Variants in ZSCAN22 observed in about 807,000 individuals in gnomAD.
ZSCAN22 encodes zinc finger and SCAN domain containing 22.
ZSCAN22 carries 7 observed loss-of-function variants against 12.4 expected under a neutral mutation model. The ratio of observed to expected loss-of-function variants is 0.57; its 90% CI spans 0.32 to 1.06. The LOEUF is 1.06. ZSCAN22 is among the 50% of genes least tolerant of loss of function. The pLI is 0.04. For missense variants in ZSCAN22, 576 were observed against 631.7 expected, an observed-to-expected ratio of 0.91 and a Z score of 0.94; for synonymous variants, 243 against 255.9, an observed-to-expected ratio of 0.95 and a Z score of 0.48.
At chr19:58,332,123 G>C (rs922739806) in intron 1 of ZSCAN22, among the ~76,000 whole-genome samples, 6 of 151,420 alleles carry the variant, frequency 4.0e-5, no homozygotes, top group Admixed American at 3.3e-4. Flanking sequence ...TACTCGCCTC[G>C]GTCTCCCAGA....
At position 58,338,228 on chromosome 19, in the gene ZSCAN22, T is replaced by G. The variant is rs1600493319; in HGVS notation, c.404-26T>G. ...GGGAGGCTTGGTGTGGTAGGAGGAG[T>G]GACAGTGTGGTTCGGACTGTTTCAG... is the stretch of plus-strand genomic sequence containing the variant. On this transcript the variant is annotated intron_variant, in intron 2 of 2. Coordinates refer to ENST00000329665, the MANE Select transcript of ZSCAN22 (RefSeq NM_181846.3). This position sits in a 1 kb window ranked among gnomAD's most constrained non-coding sequence, Gnocchi z 5.4. 1.3e-6 allele frequency: 2 copies of G among 1,555,514 alleles called. No individual in the cohort carries two copies. Among genetic ancestry groups the G allele is most frequent in the Non-Finnish European group, 1.7e-6 (2 of 1,144,182 alleles).
chr19:58,339,280 C>T lies in ZSCAN22; in HGVS notation c.1430C>T (p.Ser477Leu). ...SDCGKAFSRS[S>L]ALMVHLRIHI... ...TGTGGGAAGGCCTTCAGTCGTAGCT[C>T]AGCCCTGATGGTTCACTTGCGGATC... Residue 477 changes from serine (S) to leucine (L), a missense_variant, in exon 3 of 3, where the codon TCA becomes TTA. Physicochemically the swap from Ser to Leu is moderately radical, Grantham distance 145. Coordinates refer to ENST00000329665, the MANE Select transcript of ZSCAN22 (RefSeq NM_181846.3). The surrounding 1 kb of genome is among the most constrained non-coding windows in gnomAD (Gnocchi z 5.6). The T allele has an allele frequency of 6.2e-7, 1 of 1,613,836 alleles. No individual in the cohort carries two copies. The highest frequency in any genetic ancestry group is 1.1e-5 in the South Asian group (1 of 91,056).
rs1366379301 is a variant in ZSCAN22, at chr19:58,341,561, T to C, written c.*2235T>C. 1 of 152,166 alleles carries C rather than the reference T, an allele frequency of 6.6e-6. No homozygotes were observed. Among genetic ancestry groups the C allele is most frequent in the East Asian group, 1.9e-4 (1 of 5,202 alleles). The allele number at this position is 152,166 out of a possible 1,614,324, so 9.4% of individuals were successfully genotyped here. A position where few individuals can be genotyped will look rare whatever the true frequency, so the allele number is the denominator to read the frequency against. Reference sequence around the variant, plus strand: ...CAAGAGTAAATAGAGGCACAGAGACTGATGAGAAACGTTCATAACATGAAG... The same window carrying C: ...CAAGAGTAAATAGAGGCACAGAGACCGATGAGAAACGTTCATAACATGAAG... On this transcript the variant is annotated 3_prime_UTR_variant, in exon 3 of 3. Transcript: ENST00000329665.
At position 58,339,538 on chromosome 19, in the gene ZSCAN22, G is replaced by A; in HGVS notation, c.*212G>A. 1 of 553,984 alleles carries A rather than the reference G, an allele frequency of 1.8e-6. No homozygotes were observed. Among genetic ancestry groups the A allele is most frequent in the Admixed American group, 3.2e-5 (1 of 31,396 alleles). The allele number at this position is 553,984 out of a possible 1,614,324, so 34.3% of individuals were successfully genotyped here. On this transcript the variant is annotated 3_prime_UTR_variant, in exon 3 of 3. Transcript: ENST00000329665. This position sits in a 1 kb window ranked among gnomAD's most constrained non-coding sequence, Gnocchi z 5.6. ...AAGGTGATTCAGGCCAGCTGGAGAA[G>A]CTTCCAGAAGGGCCCTGCACTGCTA...
Position 58,339,565 on chromosome 19 carries a change from C to T in ZSCAN22, c.*239C>T. Reference sequence around the variant, plus strand: ...TTCCAGAAGGGCCCTGCACTGCTACCCTCTATTTCCCACTCAGGGCTGTCC... The same window carrying T: ...TTCCAGAAGGGCCCTGCACTGCTACTCTCTATTTCCCACTCAGGGCTGTCC... On this transcript the variant is annotated 3_prime_UTR_variant, in exon 3 of 3. Coordinates refer to ENST00000329665, the MANE Select transcript of ZSCAN22 (RefSeq NM_181846.3). This position sits in a 1 kb window ranked among gnomAD's most constrained non-coding sequence, Gnocchi z 5.6. 1 of 489,768 alleles carries T rather than the reference C, an allele frequency of 2.0e-6. No individual in the cohort carries two copies. Among genetic ancestry groups the T allele is most frequent in the East Asian group, 3.2e-5 (1 of 31,350 alleles). The allele number at this position is 489,768 out of a possible 1,614,324, so 30.3% of individuals were successfully genotyped here.
intron 1 of ZSCAN22, among the ~76,000 whole-genome samples, chr19:58,333,779 G>A (rs1416844172): frequency 1.3e-5 from 2 of 152,244 alleles, no homozygotes; most frequent in Non-Finnish European, 2.9e-5. Context: ...GGGAGGCGGA[G>A]TTGCAGTGAG....
chr19:58,329,580 A>G lies in ZSCAN22; in HGVS notation c.-52+2466A>G, dbSNP rs1381290872. 6.6e-6 allele frequency among the ~76,000 whole-genome samples: 1 copy of G among 152,230 alleles called. No homozygotes were observed. The highest frequency in any genetic ancestry group is 1.5e-5 in the Non-Finnish European group (1 of 68,048). On this transcript the variant is annotated intron_variant, in intron 1 of 2. Transcript: ENST00000329665. The surrounding 1 kb of genome is among the most constrained non-coding windows in gnomAD (Gnocchi z 4.1). ...GTGGGAAGTAGAGAATGTCAAGAAA[A>G]GTAATACAGTAGTCACCCCTCATCT...
chr19:58,334,869 G>A lies in ZSCAN22; in HGVS notation c.67G>A (p.Val23Met), dbSNP rs2051773378. 1 of 1,613,880 alleles carries A rather than the reference G, an allele frequency of 6.2e-7. No homozygotes were observed. The highest frequency in any genetic ancestry group is 1.3e-5 in the African/African-American group (1 of 75,058). The stretch of plus-strand genomic sequence containing the variant: ...AGAGGACAGCTTCCTTCAAGTGAAG[G>A]TGGAGGAGGAAGAGGAAGCCAGCCT... ...WEEDSFLQVK[V>M]EEEEEASLSQ... The change falls in exon 2 of 3, where the codon GTG becomes ATG. Residue 23 changes from valine to methionine, a missense_variant. Val to Met is a conservative substitution (Grantham distance 21). Transcript: ENST00000329665.
chr19:58,334,149 C>T (rs1395483696), intron 1 of ZSCAN22, among the ~76,000 whole-genome samples: 1 of 152,198 alleles, frequency 6.6e-6, no homozygotes, highest in East Asian at 1.9e-4. Context: ...GGGAGGAGCA[C>T]GCCTTAAACA....
chr19:58,333,558 A>G (rs1005259144), intron 1 of ZSCAN22, among the ~76,000 whole-genome samples: 1 of 152,200 alleles, frequency 6.6e-6, no homozygotes, highest in East Asian at 1.9e-4. Flanking sequence ...TAAATAACCA[A>G]TGGGACTGGG....
At position 58,338,359 on chromosome 19, in the gene ZSCAN22, T is replaced by C. The variant is rs1208766988; in HGVS notation, c.509T>C (p.Leu170Pro). Residue 170 changes from leucine (L) to proline (P), a missense_variant, in exon 3 of 3, where the codon CTT (leucine) becomes CCT (proline). Coordinates refer to ENST00000329665, the MANE Select transcript of ZSCAN22 (RefSeq NM_181846.3). The surrounding 1 kb of genome is among the most constrained non-coding windows in gnomAD (Gnocchi z 5.4). ...GAGACCCTCATGGGAGGTGTTTCCC[T>C]TGGACCCGCCTTTGTCAAGGCATGT... ...VTETLMGGVS[L>P]GPAFVKACEP... 6.2e-7 allele frequency: 1 copy of C among 1,614,128 alleles called. No individual in the cohort carries two copies. The highest frequency in any genetic ancestry group is 1.7e-5 in the Admixed American group (1 of 60,022).
At position 58,334,800 on chromosome 19, in the gene ZSCAN22, C is replaced by T. The variant is rs764649531; in HGVS notation, c.-3C>T. The stretch of plus-strand genomic sequence containing the variant: ...CCTGTGTCTCACTGAGCACTGCTGC[C>T]CGATGGCCATCCCCAAGCACTCCCT... On this transcript the variant is annotated 5_prime_UTR_variant, in exon 2 of 3. Coordinates refer to ENST00000329665, the MANE Select transcript of ZSCAN22 (RefSeq NM_181846.3). 3 of 1,593,906 alleles carry T rather than the reference C, an allele frequency of 1.9e-6. No homozygotes were observed. The South Asian group carries it at 3.4e-5, about 18-fold the overall frequency.
At chr19:58,328,176 T>C (rs754056821) in intron 1 of ZSCAN22, among the ~76,000 whole-genome samples, 6 of 152,188 alleles carry the variant, frequency 3.9e-5, no homozygotes, top group Admixed American at 6.5e-5. Flanking sequence ...TGACTGATTA[T>C]AGGTGACATT....
chr19:58,330,533 A>G (rs2051710958), intron 1 of ZSCAN22, among the ~76,000 whole-genome samples: 1 of 152,222 alleles, frequency 6.6e-6, no homozygotes, highest in Admixed American at 6.5e-5. Context: ...CAGTGCTCAC[A>G]GTTCTAGAAT....
Position 58,338,528 on chromosome 19 carries a change from G to A in ZSCAN22, c.678G>A (p.Ser226=), listed in dbSNP as rs139239773. Residue 226 remains serine (S), a synonymous_variant, in exon 3 of 3, where the codon TCG becomes TCA. Coordinates refer to ENST00000329665, the MANE Select transcript of ZSCAN22 (RefSeq NM_181846.3). The surrounding 1 kb of genome is among the most constrained non-coding windows in gnomAD (Gnocchi z 5.4). The stretch of plus-strand genomic sequence containing the variant: ...AGCGTGGCCGTGAATCTGGTGCCTC[G>A]AGGAACAGTTCTAGTGCGTGGCCAA... ...TDQRGRESGA[S]RNSSSAWPNL... is the part of the protein sequence containing the mutation. 396 of 1,614,208 alleles carry A rather than the reference G, an allele frequency of 2.5e-4. 1 individual carries two copies. The Middle Eastern group carries it at 3.6e-3, about 15-fold the overall frequency.
chr19:58,341,024 G>A lies in ZSCAN22; in HGVS notation c.*1698G>A, dbSNP rs1049598226. On this transcript the variant is annotated 3_prime_UTR_variant, in exon 3 of 3. Transcript: ENST00000329665. ...TATCTACAACACACAAGACTCAGTA[G>A]GCCCTGACTGATGTCTCTTACATGA... The A allele has an allele frequency of 3.3e-5, 5 of 152,144 alleles. No individual in the cohort carries two copies. Among genetic ancestry groups the A allele is most frequent in the Non-Finnish European group, 5.9e-5 (4 of 68,050 alleles). The allele number at this position is 152,144 out of a possible 1,614,324, so 9.4% of individuals were successfully genotyped here. A position where few individuals can be genotyped will look rare whatever the true frequency, so the allele number is the denominator to read the frequency against.
At position 58,338,858 on chromosome 19, in the gene ZSCAN22, C is replaced by T. The variant is rs773720957; in HGVS notation, c.1008C>T (p.Val336=). The part of the protein sequence containing the change: ...CKECGKAFSR[V]THLTQHQRIH... The stretch of plus-strand genomic sequence containing the variant: ...AATGTGGGAAGGCCTTCAGCCGAGT[C>T]ACCCACCTGACTCAGCACCAAAGGA... The change falls in exon 3 of 3, where the codon GTC becomes GTT. Residue 336 remains valine, a synonymous_variant. Transcript: ENST00000329665. This position sits in a 1 kb window ranked among gnomAD's most constrained non-coding sequence, Gnocchi z 5.4. The T allele has an allele frequency of 4.3e-6, 7 of 1,613,912 alleles. No individual in the cohort carries two copies. Among genetic ancestry groups the T allele is most frequent in the Non-Finnish European group, 5.9e-6 (7 of 1,179,902 alleles).
chr19:58,337,344 G>T (rs904812105), intron 2 of ZSCAN22, among the ~76,000 whole-genome samples: 2 of 151,806 alleles, frequency 1.3e-5, no homozygotes, highest in African/African-American at 4.8e-5. Flanking sequence ...ATCAGAGCCT[G>T]CAGGGGACAC....
At chr19:58,328,099 C>T (rs2051677800) in intron 1 of ZSCAN22, among the ~76,000 whole-genome samples, 1 of 152,314 alleles carries the variant, frequency 6.6e-6, no homozygotes, top group Middle Eastern at 3.4e-3. Flanking sequence ...GATCCACCTG[C>T]CTAGGCCTCC....
Sources: allele counts gnomAD v4.1 joint callset (sites outside exome capture counted in the v4.1 genomes callset), GRCh38; gene constraint gnomAD v4.1.1; non-coding constraint Gnocchi (gnomAD v3.1); transcripts MANE v1.5; gene names NCBI Gene and HGNC (gene_info 2026-07-23, HGNC 2026-07-21).